PAFAH1B1: variants seen among roughly 807,000 people sequenced by gnomAD.
The protein encoded by PAFAH1B1 is platelet activating factor acetylhydrolase 1b regulatory subunit 1, also known as platelet-activating factor acetylhydrolase IB subunit beta.
In PAFAH1B1, 2 loss-of-function variants were observed where a neutral mutation model predicts 57.5. That is an observed-to-expected ratio of 0.03 (90% confidence interval 0.01 to 0.11). The LOEUF (loss-of-function observed/expected upper bound fraction) is 0.11, where lower values mean the gene tolerates loss of function less well. Ranked by LOEUF, PAFAH1B1 falls within the 10% of genes least tolerant of loss-of-function variation. The pLI is 1.00. For missense variants in PAFAH1B1, 257 were observed against 512.0 expected, an observed-to-expected ratio of 0.50 and a Z score of 4.81; for synonymous variants, 152 against 169.6, an observed-to-expected ratio of 0.90 and a Z score of 0.81.
chr17:2,667,746 T>C (rs1276989213), intron 5 of PAFAH1B1, among the ~76,000 whole-genome samples: 1 of 151,992 alleles, frequency 6.6e-6, no homozygotes, highest in Non-Finnish European at 1.5e-5. Flanking sequence ...TAAAATTGGC[T>C]TTCCAGGAGT....
chr17:2,628,939 C>G (rs2068524104), intron 1 of PAFAH1B1, among the ~76,000 whole-genome samples: 1 of 152,092 alleles, frequency 6.6e-6, no homozygotes, highest in Admixed American at 6.6e-5. Context: ...GTAATATCTC[C>G]TGTTTCATTT....
intron 1 of PAFAH1B1, among the ~76,000 whole-genome samples, chr17:2,631,166 G>A (rs534732521): frequency 5.9e-5 from 9 of 152,138 alleles, no homozygotes; most frequent in South Asian, 2.1e-4. Context: ...ACTAGAACCC[G>A]GGAGGCAGAG....
intron 5 of PAFAH1B1, among the ~76,000 whole-genome samples, chr17:2,668,415 G>A (rs1279151414): frequency 1.3e-5 from 2 of 152,110 alleles, no homozygotes; most frequent in African/African-American, 4.8e-5. Context: ...GGCCGGGTGT[G>A]GTAGCTCATG....
chr17:2,670,382 A>G, intron 6 of PAFAH1B1, 51 bp downstream of exon 6: 1 of 1,463,252 alleles, frequency 6.8e-7, no homozygotes, highest in Non-Finnish European at 9.6e-7. Context: ...ATGGTACTTC[A>G]GAAGGAATAT....
intron 1 of PAFAH1B1, among the ~76,000 whole-genome samples, chr17:2,603,839 C>T (rs913487900): frequency 6.6e-6 from 1 of 151,092 alleles, no homozygotes; most frequent in Non-Finnish European, 1.5e-5. Context: ...CTCCCAGGTT[C>T]GAGTGCTTCT....
chr17:2,648,746 C>A (rs2068807967), intron 2 of PAFAH1B1, among the ~76,000 whole-genome samples: 2 of 142,820 alleles, frequency 1.4e-5, no homozygotes, highest in South Asian at 4.4e-4. Flanking sequence ...ATTTTTAATA[C>A]CCATTCCTGA....
At chr17:2,640,820 A>C (rs1434435410) in intron 2 of PAFAH1B1, 1 of 152,134 alleles carries the variant, frequency 6.6e-6, no homozygotes, top group Non-Finnish European at 1.5e-5. Context: ...AGAGAGTTGG[A>C]TTTAGAGAGA....
chr17:2,613,927 G>T, intron 1 of PAFAH1B1: 1 of 190,834 alleles, frequency 5.2e-6, no homozygotes, highest in South Asian at 1.1e-4. Flanking sequence ...GGGCATTCTG[G>T]GGCGACAGCA....
At chr17:2,626,619 A>G (rs1597531472) in intron 1 of PAFAH1B1, among the ~76,000 whole-genome samples, 1 of 122,134 alleles carries the variant, frequency 8.2e-6, no homozygotes, top group East Asian at 2.9e-4. Flanking sequence ...CAGTGGCGCG[A>G]TCTTGGCTCA....
intron 1 of PAFAH1B1, among the ~76,000 whole-genome samples, chr17:2,618,647 TA>T (rs959902143): frequency 3.3e-5 from 5 of 151,884 alleles, no homozygotes; most frequent in South Asian, 2.1e-4. Context: ...TTATTTATGT[TA>T]TTTTTTTATT....
At chr17:2,625,863 A>G (rs528833865) in intron 1 of PAFAH1B1, among the ~76,000 whole-genome samples, 1 of 152,232 alleles carries the variant, frequency 6.6e-6, no homozygotes, top group South Asian at 2.1e-4. Flanking sequence ...TCTTGAGCCT[A>G]GGAGTTAGAG....
chr17:2,676,358 AC>A, intron 8 of PAFAH1B1, 146 bp from the exon 9 acceptor site: 2 of 631,504 alleles, frequency 3.2e-6, no homozygotes, highest in Non-Finnish European at 5.7e-6. Flanking sequence ...AGCCTGGGTG[AC>A]AGAGCCAGAC....
intron 2 of PAFAH1B1, among the ~76,000 whole-genome samples, chr17:2,660,938 G>A (rs146352662): frequency 4.1e-4 from 62 of 152,074 alleles, no homozygotes; most frequent in African/African-American, 1.4e-3. Context: ...TATAATAATC[G>A]CCATTCTGAC....
chr17:2,640,077 G>A (rs1157022613), intron 2 of PAFAH1B1: 2 of 152,178 alleles, frequency 1.3e-5, no homozygotes, highest in Non-Finnish European at 2.9e-5. Flanking sequence ...TGTGTGTGCA[G>A]TATGCAATAG....
At chr17:2,649,038 C>T (rs888272900) in intron 2 of PAFAH1B1, among the ~76,000 whole-genome samples, 4 of 151,726 alleles carry the variant, frequency 2.6e-5, no homozygotes, top group African/African-American at 9.7e-5. Context: ...CTAAGGGAAT[C>T]AACAATTACA....
At chr17:2,679,523 T>C (rs994833574) in intron 9 of PAFAH1B1, among the ~76,000 whole-genome samples, 4 of 125,964 alleles carry the variant, frequency 3.2e-5, no homozygotes. Context: ...GATGGATGGA[T>C]GATTGGATGG....
At chr17:2,602,003 A>G (rs1299134194) in intron 1 of PAFAH1B1, among the ~76,000 whole-genome samples, 1 of 152,238 alleles carries the variant, frequency 6.6e-6, no homozygotes, top group Non-Finnish European at 1.5e-5. Context: ...ATATGAATGA[A>G]CAGTGAAAAA....
chr17:2,653,298 A>G (rs1461358591), intron 2 of PAFAH1B1, among the ~76,000 whole-genome samples: 30 of 152,148 alleles, frequency 2.0e-4, no homozygotes, highest in Admixed American at 2.0e-3. Flanking sequence ...GAGGGATAGC[A>G]TTAGGAGATA....
intron 6 of PAFAH1B1, among the ~76,000 whole-genome samples, chr17:2,671,851 C>T (rs937362195): frequency 6.6e-6 from 1 of 152,096 alleles, no homozygotes; most frequent in African/African-American, 2.4e-5. Context: ...GATCCGCCCG[C>T]CTCGGCCTCC....
Sources: allele counts gnomAD v4.1 joint callset (sites outside exome capture counted in the v4.1 genomes callset), GRCh38; gene constraint gnomAD v4.1.1; transcripts MANE v1.5; gene names NCBI Gene and HGNC (gene_info 2026-07-23, HGNC 2026-07-21).